Variants in CASD1 observed in about 807,000 individuals in gnomAD.
The protein encoded by CASD1 is N-acetylneuraminate (7)9-O-acetyltransferase.
A neutral mutation model predicts 100.0 loss-of-function variants in CASD1; 41 were observed. The ratio of observed to expected loss-of-function variants is 0.41; its 90% CI spans 0.32 to 0.53. The LOEUF is 0.53. Among genes scored for constraint, CASD1 ranks in the 20% least tolerant of loss-of-function variants. The pLI, the probability that CASD1 is intolerant of heterozygous loss-of-function variation, is 0.25. For missense variants in CASD1, 774 were observed against 948.7 expected (o/e 0.82, Z 2.42); for synonymous variants, 321 against 315.6 (o/e 1.02, Z -0.18).
the CASD1 span, among the ~76,000 whole-genome samples, chr7:94,630,809 G>A: frequency 6.6e-6 from 1 of 151,858 alleles, no homozygotes; most frequent in Admixed American, 6.6e-5. Context: ...TAATGGATTT[G>A]TAAATATGGT....
the CASD1 span, among the ~76,000 whole-genome samples, chr7:94,568,080 G>A: frequency 9.2e-5 from 14 of 152,194 alleles, no homozygotes; most frequent in African/African-American, 2.9e-4. Flanking sequence ...GAGCAGTATG[G>A]GAGGGTACTT....
At chr7:94,518,411 T>A in intron 3 of CASD1, 88 bp downstream of exon 3, 1 of 1,154,450 alleles carries the variant, frequency 8.7e-7, no homozygotes, top group Non-Finnish European at 1.2e-6. Context: ...CCAGATTGAG[T>A]AGGAGCTGAA....
At chr7:94,541,032 A>C (rs1795366084) in intron 10 of CASD1, among the ~76,000 whole-genome samples, 1 of 152,080 alleles carries the variant, frequency 6.6e-6, no homozygotes. Context: ...CTTATACTGC[A>C]TCCTAATATA....
chr7:94,597,546 T>C, the CASD1 span: 1 of 150,642 alleles, frequency 6.6e-6, no homozygotes, highest in African/African-American at 2.4e-5. Flanking sequence ...TATGTGTCTG[T>C]GTGTATGAGA....
At chr7:94,513,507 A>G (rs774920987) in intron 1 of CASD1, among the ~76,000 whole-genome samples, 4 of 151,928 alleles carry the variant, frequency 2.6e-5, no homozygotes, top group Non-Finnish European at 5.9e-5. Flanking sequence ...CAGTTATTTG[A>G]TTTTCTCTGC....
At chr7:94,545,177 A>G (rs1003818798) in intron 11 of CASD1, among the ~76,000 whole-genome samples, 3 of 152,162 alleles carry the variant, frequency 2.0e-5, no homozygotes, top group Non-Finnish European at 4.4e-5. Flanking sequence ...GGGTAAGTCA[A>G]CATTAAACAA....
chr7:94,623,567 A>G, the CASD1 span: 1 of 596,328 alleles, frequency 1.7e-6, no homozygotes, highest in South Asian at 2.2e-5. Flanking sequence ...TTTTAGCAAT[A>G]TTATGGGAAA....
At chr7:94,525,283 A>G (rs1351966970) in intron 3 of CASD1, among the ~76,000 whole-genome samples, 1 of 152,238 alleles carries the variant, frequency 6.6e-6, no homozygotes, top group Non-Finnish European at 1.5e-5. Context: ...ATTAAACAAT[A>G]TATCATTTAA....
chr7:94,588,587 T>C, the CASD1 span: 83 of 1,554,468 alleles, frequency 5.3e-5, 1 homozygote, highest in East Asian at 1.9e-3. Context: ...TGTTTTGCCT[T>C]ATTTGGTGAA....
At chr7:94,535,280 G>A (rs1795065984) in intron 7 of CASD1, 29 bp from the exon 8 acceptor site, 3 of 1,513,762 alleles carry the variant, frequency 2.0e-6, no homozygotes, top group Admixed American at 1.7e-5. Flanking sequence ...TTTTTAAAAT[G>A]TGTTTTTAAA....
chr7:94,574,441 T>C, the CASD1 span, among the ~76,000 whole-genome samples: 2 of 152,132 alleles, frequency 1.3e-5, no homozygotes, highest in African/African-American at 4.8e-5. Context: ...TCAATTTCTT[T>C]CTGATTCAGT....
intron 5 of CASD1, among the ~76,000 whole-genome samples, chr7:94,529,403 T>A (rs969932132): frequency 6.6e-6 from 1 of 152,132 alleles, no homozygotes; most frequent in African/African-American, 2.4e-5. Context: ...TTAAAGCTAG[T>A]TTTTGGAGCC....
At chr7:94,601,443 CAAAAAAAAAAAAAAAAA>C in the CASD1 span, among the ~76,000 whole-genome samples, 27 of 89,330 alleles carry the variant, frequency 3.0e-4, no homozygotes, top group East Asian at 5.8e-3. Context: ...ATCCCAGTAT[CAAAAAAAAAAAAAAAAA>C]AAAAAAAAAA....
chr7:94,623,916 A>G, the CASD1 span: 15 of 364,898 alleles, frequency 4.1e-5, no homozygotes, highest in South Asian at 7.4e-4. Context: ...CGATGGGAGT[A>G]AAGTAGTAAG....
intron 3 of CASD1, among the ~76,000 whole-genome samples, chr7:94,519,194 T>C (rs1340105249): frequency 1.3e-5 from 2 of 152,166 alleles, no homozygotes; most frequent in African/African-American, 2.4e-5. Flanking sequence ...AATTTCTTTG[T>C]ATATATTAAT....
At chr7:94,576,699 A>G in the CASD1 span, among the ~76,000 whole-genome samples, 2 of 152,204 alleles carry the variant, frequency 1.3e-5, no homozygotes, top group East Asian at 1.9e-4. Context: ...GTAGTCACAC[A>G]TTCCTCCTGG....
chr7:94,587,958 C>T, the CASD1 span: 1 of 1,427,854 alleles, frequency 7.0e-7, no homozygotes, highest in Non-Finnish European at 9.1e-7. Context: ...ATTCCACACC[C>T]AACTTACATT....
intron 3 of CASD1, among the ~76,000 whole-genome samples, chr7:94,522,300 G>A (rs73720652): frequency 0.011 from 1,660 of 152,290 alleles, 31 homozygotes; most frequent in African/African-American, 0.038. Flanking sequence ...AGTCATATTA[G>A]TATAAGATAA....
the CASD1 span, among the ~76,000 whole-genome samples, chr7:94,574,434 A>G: frequency 3.9e-5 from 6 of 152,002 alleles, no homozygotes; most frequent in African/African-American, 1.2e-4. Flanking sequence ...CAGGGAATCA[A>G]TTTCTTTCTG....
Sources: allele counts gnomAD v4.1 joint callset (sites outside exome capture counted in the v4.1 genomes callset), GRCh38; gene constraint gnomAD v4.1.1; transcripts MANE v1.5; gene names NCBI Gene and HGNC (gene_info 2026-07-23, HGNC 2026-07-21).